The following OTOGL variants were observed in gnomAD, a reference collection of about 807,000 sequenced individuals.
The protein encoded by OTOGL is otogelin-like protein.
Under a neutral mutation model 318.5 loss-of-function variants are expected in OTOGL, and 285 were observed. That is an observed-to-expected ratio of 0.89 (90% CI 0.81 to 0.99). OTOGL has a LOEUF of 0.99. Ranked by LOEUF, OTOGL falls within the 50% of genes least tolerant of loss-of-function variation. The pLI is 0.00. For missense variants in OTOGL, 2,899 were observed against 2,845.6 expected, an observed-to-expected ratio of 1.02 and a Z score of -0.43; for synonymous variants, 987 against 936.5, an observed-to-expected ratio of 1.05 and a Z score of -0.99.
At chr12:80,104,118 T>G (rs1319125016) in intron 1 of OTOGL, among the ~76,000 whole-genome samples, 1 of 152,224 alleles carries the variant, frequency 6.6e-6, no homozygotes, top group Non-Finnish European at 1.5e-5. Context: ...ATGTGCTAGA[T>G]GCTGTAAGGG....
chr12:80,268,187 T>C (rs1427883612), intron 22 of OTOGL, among the ~76,000 whole-genome samples: 1 of 152,082 alleles, frequency 6.6e-6, no homozygotes, highest in African/African-American at 2.4e-5. Flanking sequence ...GCCCCATAGG[T>C]ACCAACAGAT....
intron 11 of OTOGL, among the ~76,000 whole-genome samples, chr12:80,247,115 C>G (rs1326541141): frequency 2.8e-5 from 4 of 140,400 alleles, no homozygotes; most frequent in Non-Finnish European, 6.1e-5. Context: ...AAAAAACCAG[C>G]TCCTGGATTC....
intron 24 of OTOGL, among the ~76,000 whole-genome samples, chr12:80,274,563 T>C (rs1297381037): frequency 6.6e-6 from 1 of 152,060 alleles, no homozygotes; most frequent in Non-Finnish European, 1.5e-5. Flanking sequence ...CAGCAAGTTA[T>C]CCAGAAAATG....
intron 11 of OTOGL, among the ~76,000 whole-genome samples, chr12:80,243,202 G>A (rs11114364): frequency 0.011 from 1,718 of 152,120 alleles, 40 homozygotes; most frequent in African/African-American, 0.04. Context: ...TTAACCTACA[G>A]AGGAAAAGTC....
chr12:80,116,395 T>C (rs2137089876), intron 1 of OTOGL, among the ~76,000 whole-genome samples: 1 of 152,018 alleles, frequency 6.6e-6, no homozygotes, highest in South Asian at 2.1e-4. Flanking sequence ...GTCTAACAAG[T>C]CCCAGTGAGA....
rs1250175066 is a variant in OTOGL, at chr12:80,153,808, T to C, written c.-20+54203T>C. Among the ~76,000 whole-genome samples the C allele has an allele frequency of 6.6e-5, 10 of 152,194 alleles. No homozygotes were observed. In the East Asian group the frequency reaches 1.9e-3, roughly 29 times the overall value. On this transcript the variant is annotated intron_variant, in intron 1 of 58. Coordinates refer to ENST00000547103, the MANE Select transcript of OTOGL (RefSeq NM_001378609.3). ...AATGTCACATAGTTGGAATCATACA[T>C]ATGTAGACATTTCAGATTGGCTTTT... is the stretch of plus-strand genomic sequence containing the variant.
chr12:80,185,294 T>G (rs2137248533), intron 1 of OTOGL, among the ~76,000 whole-genome samples: 1 of 152,262 alleles, frequency 6.6e-6, no homozygotes, highest in South Asian at 2.1e-4. Context: ...AAATTAATTT[T>G]TTTTTTGAGA....
Position 80,336,465 on chromosome 12 carries a change from C to A in OTOGL, c.4653C>A (p.Asn1551Lys). 6.2e-7 allele frequency: 1 copy of A among 1,608,828 alleles called. No homozygotes were observed. Among genetic ancestry groups the A allele is most frequent in the Non-Finnish European group, 8.5e-7 (1 of 1,176,346 alleles). ...ELSIITFDGN[N>K]AALYSMASYI... ...GCATTATTACATTTGATGGAAACAA[C>A]GCAGCATTATATAGCATGGCTTCTT... The change falls in exon 40 of 59, where the codon AAC becomes AAA. Residue 1551 changes from asparagine to lysine, a missense_variant. Transcript: ENST00000547103.
At chr12:80,358,525 A>G in intron 50 of OTOGL, 146 bp from the exon 51 acceptor site, 2 of 804,894 alleles carry the variant, frequency 2.5e-6, no homozygotes, top group South Asian at 1.8e-5. Flanking sequence ...TATCTTCACC[A>G]ACACATGGCA....
chr12:80,108,151 A>G (rs141672480), intron 1 of OTOGL, among the ~76,000 whole-genome samples: 1 of 152,286 alleles, frequency 6.6e-6, no homozygotes, highest in African/African-American at 2.4e-5. Context: ...GGAAGTTGGC[A>G]AATAGATTTA....
At chr12:80,331,217 G>C (rs1888046637) in intron 37 of OTOGL, among the ~76,000 whole-genome samples, 1 of 151,868 alleles carries the variant, frequency 6.6e-6, no homozygotes, top group Non-Finnish European at 1.5e-5. Context: ...TCACAAAGCT[G>C]TAGTTATCAA....
At chr12:80,301,177 G>C (rs1885733805) in intron 27 of OTOGL, among the ~76,000 whole-genome samples, 1 of 151,966 alleles carries the variant, frequency 6.6e-6, no homozygotes, top group African/African-American at 2.4e-5. Context: ...ATTTTATTTT[G>C]CCTCTGGCTA....
chr12:80,279,337 T>C (rs1884044845), intron 26 of OTOGL, among the ~76,000 whole-genome samples, 171 bp downstream of exon 26: 1 of 151,546 alleles, frequency 6.6e-6, no homozygotes, highest in African/African-American at 2.4e-5. Context: ...GAAGGTCTGT[T>C]AATGTGGGTA....
At chr12:80,232,822 C>T in intron 8 of OTOGL, 70 bp from the exon 9 acceptor site, 1 of 1,308,412 alleles carries the variant, frequency 7.6e-7, no homozygotes, top group African/African-American at 1.5e-5. Context: ...ATCTCAGTCA[C>T]TTAAAAATAT....
At chr12:80,244,589 G>T (rs1330675235) in intron 11 of OTOGL, among the ~76,000 whole-genome samples, 1 of 149,362 alleles carries the variant, frequency 6.7e-6, no homozygotes, top group Non-Finnish European at 1.5e-5. Context: ...ATTTGGGTTG[G>T]TTCCAAGTCT....
intron 1 of OTOGL, among the ~76,000 whole-genome samples, chr12:80,163,350 C>A (rs1312040167): frequency 3.3e-5 from 5 of 151,998 alleles, no homozygotes; most frequent in African/African-American, 1.2e-4. Context: ...ATGACAGAAT[C>A]CTCTCTGTAA....
intron 1 of OTOGL, among the ~76,000 whole-genome samples, chr12:80,152,774 C>T (rs1020388493): frequency 1.3e-5 from 2 of 152,280 alleles, no homozygotes; most frequent in Admixed American, 6.5e-5. Context: ...CTGCAACCTC[C>T]ACCTCCCGGG....
At chr12:80,168,391 G>T (rs368376266) in intron 1 of OTOGL, among the ~76,000 whole-genome samples, 1 of 152,042 alleles carries the variant, frequency 6.6e-6, no homozygotes, top group Non-Finnish European at 1.5e-5. Context: ...ATTTGTCCAC[G>T]TATAGTTCAA....
At chr12:80,109,671 C>A (rs1869707195) in intron 1 of OTOGL, among the ~76,000 whole-genome samples, 2 of 152,194 alleles carry the variant, frequency 1.3e-5, no homozygotes, top group African/African-American at 4.8e-5. Flanking sequence ...GCCAGAGTAA[C>A]ACCTGATTGG....
Sources: gnomAD v4.1 joint callset for allele counts (sites outside exome capture counted in the v4.1 genomes callset) on GRCh38, gnomAD v4.1.1 for gene constraint, MANE v1.5 for transcripts, NCBI Gene and HGNC (gene_info 2026-07-23, HGNC 2026-07-21) for gene names.